ZNF423: variants seen among roughly 807,000 people sequenced by gnomAD.
ZNF423 encodes zinc finger protein 423, also known as Ebf-associated zinc finger protein.
ZNF423 carries 12 observed loss-of-function variants against 95.8 expected under a neutral mutation model. The ratio of observed to expected loss-of-function variants is 0.13; its 90% CI spans 0.08 to 0.20. The LOEUF (loss-of-function observed/expected upper bound fraction) is 0.20. Ranked by LOEUF, ZNF423 falls within the 10% of genes least tolerant of loss-of-function variation. The pLI, the probability that ZNF423 is intolerant of heterozygous loss-of-function variation, is 1.00. For synonymous variants in ZNF423, 749 were observed against 711.9 expected (o/e 1.05, Z -0.83); for missense variants, 1,316 against 1,737.1 (o/e 0.76, Z 4.31).
chr16:49,713,775 A>G (rs1333035571), intron 3 of ZNF423, among the ~76,000 whole-genome samples: 8 of 152,230 alleles, frequency 5.3e-5, no homozygotes, highest in Non-Finnish European at 8.8e-5. Context: ...AAGGCATTCG[A>G]GGAAGCAGTG....
intron 1 of ZNF423, among the ~76,000 whole-genome samples, chr16:49,827,331 G>A (rs752499200): frequency 8.6e-5 from 13 of 151,366 alleles, no homozygotes; most frequent in Non-Finnish European, 1.2e-4. Context: ...CTGAGCCCTC[G>A]TCTCTGACAA....
rs368014239 is a variant in ZNF423 at position 49,637,923 on chromosome 16, C to T, written c.1253G>A (p.Ser418Asn). 181 of 1,614,176 alleles carry T rather than the reference C, an allele frequency of 1.1e-4. No individual in the cohort carries two copies. The highest frequency in any genetic ancestry group is 1.4e-4 in the Non-Finnish European group (169 of 1,180,040). The change falls in exon 4 of 8, where the codon AGC (serine) becomes AAC (asparagine). Residue 418 changes from serine (S) to asparagine (N), a missense_variant. Transcript: ENST00000563137. The surrounding 1 kb of genome is among the most constrained non-coding windows in gnomAD (Gnocchi z 5.6). ...GTCCCGCTTGGAACAATAGGGGCAG[C>T]TATAGACCACCTTGGTCCAGCCCTG... ...DGQGWTKVVY[S>N]CPYCSKRDFN...
At chr16:49,683,732 A>G (rs1420623767) in intron 3 of ZNF423, among the ~76,000 whole-genome samples, 2 of 152,202 alleles carry the variant, frequency 1.3e-5, no homozygotes, top group Admixed American at 6.5e-5. Context: ...AGGGCATTAA[A>G]AGCAGCTACA....
chr16:49,833,454 T>C (rs946087086), intron 1 of ZNF423, among the ~76,000 whole-genome samples: 4 of 152,224 alleles, frequency 2.6e-5, no homozygotes, highest in Non-Finnish European at 4.4e-5. Flanking sequence ...TTAAATTCAC[T>C]TGCCAATGTT....
chr16:49,801,972 C>G lies in ZNF423; in HGVS notation c.41-12426G>C, dbSNP rs150247874. 1.5e-4 allele frequency among the ~76,000 whole-genome samples: 23 copies of G among 152,208 alleles called. No homozygotes were observed. The East Asian group carries it at 3.3e-3, about 22-fold the overall frequency. On this transcript the variant is annotated intron_variant, in intron 1 of 7. Transcript: ENST00000563137. The stretch of plus-strand genomic sequence containing the variant: ...CAAGTGATCCTCCCACTTCAGCCCC[C>G]CAAGTAGCTGAGACTAGAGGAACAT...
At chr16:49,737,452 C>T (rs1190062254) in intron 2 of ZNF423, among the ~76,000 whole-genome samples, 2 of 152,184 alleles carry the variant, frequency 1.3e-5, no homozygotes, top group African/African-American at 4.8e-5. Flanking sequence ...ATATTTTTAG[C>T]AGAGACAGGG....
chr16:49,672,775 G>A (rs1022442757), intron 3 of ZNF423, among the ~76,000 whole-genome samples: 6 of 152,240 alleles, frequency 3.9e-5, no homozygotes, highest in African/African-American at 7.2e-5. Flanking sequence ...CCGAGATCGC[G>A]TCATTACACT....
chr16:49,553,023 A>G (rs1226677049), intron 5 of ZNF423, among the ~76,000 whole-genome samples: 1 of 152,194 alleles, frequency 6.6e-6, no homozygotes, highest in African/African-American at 2.4e-5. Flanking sequence ...GGGTACAGAA[A>G]AATGGCCCCA....
At chr16:49,717,989 T>C (rs1404304220) in intron 3 of ZNF423, among the ~76,000 whole-genome samples, 1 of 152,156 alleles carries the variant, frequency 6.6e-6, no homozygotes, top group Admixed American at 6.5e-5. Context: ...TAGGAGTACA[T>C]TCAAGAATCC....
At chr16:49,607,817 TC>T (rs1178873090) in intron 5 of ZNF423, among the ~76,000 whole-genome samples, 5 of 152,222 alleles carry the variant, frequency 3.3e-5, no homozygotes, top group Admixed American at 2.0e-4. Context: ...CACAACAGCT[TC>T]CTAAGGCCCC....
At chr16:49,584,320 G>A (rs527624875) in intron 5 of ZNF423, among the ~76,000 whole-genome samples, 1 of 152,168 alleles carries the variant, frequency 6.6e-6, no homozygotes, top group Admixed American at 6.5e-5. Flanking sequence ...CTCTATTGTG[G>A]AATGAATTGG....
intron 1 of ZNF423, among the ~76,000 whole-genome samples, chr16:49,793,233 C>G (rs2034444490): frequency 6.6e-6 from 1 of 151,918 alleles, no homozygotes. Context: ...GCAGCAGGCA[C>G]AGAGGAAGGA....
chr16:49,597,258 G>A (rs1010583265), intron 5 of ZNF423, among the ~76,000 whole-genome samples: 1 of 152,160 alleles, frequency 6.6e-6, no homozygotes, highest in Non-Finnish European at 1.5e-5. Context: ...GGAACCTGGG[G>A]GAGGAGGGTC....
At chr16:49,774,635 C>T (rs1747299805) in intron 2 of ZNF423, among the ~76,000 whole-genome samples, 1 of 152,124 alleles carries the variant, frequency 6.6e-6, no homozygotes, top group Non-Finnish European at 1.5e-5. Flanking sequence ...TGAGTAAATG[C>T]AATCATCCAG....
chr16:49,539,973 G>C (rs1969192501), intron 5 of ZNF423, among the ~76,000 whole-genome samples: 1 of 152,126 alleles, frequency 6.6e-6, no homozygotes, highest in African/African-American at 2.4e-5. Context: ...CAGTGACCCA[G>C]GGCCCAGGAT....
chr16:49,759,561 G>A (rs1292483745), intron 2 of ZNF423, among the ~76,000 whole-genome samples: 1 of 152,194 alleles, frequency 6.6e-6, no homozygotes, highest in African/African-American at 2.4e-5. Context: ...AGCAGCCTCA[G>A]GAGCAGCACA....
chr16:49,730,291 T>C (rs2033130268), intron 3 of ZNF423, among the ~76,000 whole-genome samples: 1 of 152,090 alleles, frequency 6.6e-6, no homozygotes, highest in Non-Finnish European at 1.5e-5. Flanking sequence ...CTCAGAGAAG[T>C]GTGAGGTCAA....
chr16:49,681,854 C>T (rs78555000), intron 3 of ZNF423, among the ~76,000 whole-genome samples: 2 of 152,190 alleles, frequency 1.3e-5, no homozygotes, highest in Admixed American at 1.3e-4. Context: ...CAGCCTCCAC[C>T]TCCCAGGCCC....
intron 1 of ZNF423, among the ~76,000 whole-genome samples, chr16:49,791,667 A>G (rs2034415783): frequency 6.6e-6 from 1 of 152,144 alleles, no homozygotes; most frequent in East Asian, 1.9e-4. Context: ...GAAAAAGCAC[A>G]AAAAATATGT....
Sources: allele counts gnomAD v4.1 joint callset (sites outside exome capture counted in the v4.1 genomes callset), GRCh38; gene constraint gnomAD v4.1.1; non-coding constraint Gnocchi (gnomAD v3.1); transcripts MANE v1.5; gene names NCBI Gene and HGNC (gene_info 2026-07-23, HGNC 2026-07-21).